Variants in PTPRK observed in about 807,000 individuals in gnomAD.
PTPRK encodes the protein receptor-type tyrosine-protein phosphatase kappa.
PTPRK carries 75 observed loss-of-function variants against 178.0 expected under a neutral mutation model. The ratio of observed to expected loss-of-function variants is 0.42; its 90% CI spans 0.35 to 0.51. PTPRK has a LOEUF of 0.51. Ranked by LOEUF, PTPRK falls within the 20% of genes least tolerant of loss-of-function variation. The probability of loss-of-function intolerance (pLI) is 0.02; values close to 1 mark genes in which losing one functional copy is unlikely to be tolerated. For missense variants in PTPRK, 1,441 were observed against 1,797.8 expected (o/e 0.80, Z 3.59); for synonymous variants, 637 against 620.6 (o/e 1.03, Z -0.39).
chr6:128,518,373 AG>A, intron 1 of PTPRK, among the ~76,000 whole-genome samples: 1 of 152,354 alleles, frequency 6.6e-6, no homozygotes, highest in East Asian at 1.9e-4. Context: ...ATTCAGCTGG[AG>A]GAAAAGTAGT....
intron 1 of PTPRK, among the ~76,000 whole-genome samples, chr6:128,510,546 C>A (rs1022779448): frequency 3.3e-5 from 5 of 152,178 alleles, no homozygotes; most frequent in Non-Finnish European, 7.3e-5. Flanking sequence ...TAGGTTTTGT[C>A]TGTGTCAATA....
intron 3 of PTPRK, among the ~76,000 whole-genome samples, chr6:128,258,722 G>C (rs1414805844): frequency 6.6e-6 from 1 of 152,156 alleles, no homozygotes; most frequent in East Asian, 1.9e-4. Context: ...GGTAGAGACG[G>C]GGTAATTAGG....
chr6:128,022,545 A>G (rs1055408624), intron 13 of PTPRK, among the ~76,000 whole-genome samples: 2 of 152,164 alleles, frequency 1.3e-5, no homozygotes, highest in South Asian at 4.1e-4. Context: ...GCCAGTTTCT[A>G]TGCACCTCAC....
At chr6:128,094,924 G>A (rs1347035129) in intron 7 of PTPRK, among the ~76,000 whole-genome samples, 2 of 152,076 alleles carry the variant, frequency 1.3e-5, no homozygotes, top group East Asian at 1.9e-4. Flanking sequence ...CTGAGAGAGA[G>A]GGAGAAAGAG....
At chr6:128,169,491 T>G (rs1257762747) in intron 7 of PTPRK, among the ~76,000 whole-genome samples, 1 of 152,052 alleles carries the variant, frequency 6.6e-6, no homozygotes, top group African/African-American at 2.4e-5. Flanking sequence ...TTAAAAGTAT[T>G]TATTTTTACC....
intron 7 of PTPRK, among the ~76,000 whole-genome samples, chr6:128,151,720 A>G (rs142372214): frequency 3.3e-5 from 5 of 152,182 alleles, no homozygotes; most frequent in African/African-American, 1.2e-4. Context: ...AATTAGATTT[A>G]ACTACTAGAA....
At chr6:128,004,389 T>C (rs1289863463) in intron 15 of PTPRK, among the ~76,000 whole-genome samples, 2 of 151,846 alleles carry the variant, frequency 1.3e-5, no homozygotes, top group East Asian at 3.9e-4. Context: ...ATATTGATTC[T>C]GGGGTAATTA....
intron 1 of PTPRK, among the ~76,000 whole-genome samples, chr6:128,449,351 C>G (rs558552058): frequency 1.3e-5 from 2 of 152,234 alleles, no homozygotes; most frequent in Middle Eastern, 6.8e-3. Flanking sequence ...GAGCTCAATA[C>G]CTATACTCAT....
Position 128,433,677 on chromosome 6 carries a change from G to C in PTPRK, c.101-35989C>G, listed in dbSNP as rs1044247924. Reference sequence around the variant, plus strand: ...ATCACAGGTGCACACCATCACACCAGGTTAATTTTTTGTATTTTTGATAGA... The same window carrying C: ...ATCACAGGTGCACACCATCACACCACGTTAATTTTTTGTATTTTTGATAGA... On this transcript the variant is annotated intron_variant, in intron 1 of 29. Transcript: ENST00000368226. Among the ~76,000 whole-genome samples, 51 of 151,792 alleles carry C rather than the reference G, an allele frequency of 3.4e-4. 1 individual carries two copies. Among genetic ancestry groups the C allele is most frequent in the Admixed American group, 3.1e-3 (47 of 15,234 alleles).
chr6:128,099,669 T>C (rs1788468969), intron 7 of PTPRK, among the ~76,000 whole-genome samples: 1 of 152,048 alleles, frequency 6.6e-6, no homozygotes, highest in Non-Finnish European at 1.5e-5. Context: ...TAACACCTCA[T>C]TTGATTTTAT....
intron 15 of PTPRK, among the ~76,000 whole-genome samples, chr6:128,002,099 T>C (rs572895590): frequency 6.6e-6 from 1 of 151,756 alleles, no homozygotes; most frequent in South Asian, 2.1e-4. Flanking sequence ...TTTCAGATTA[T>C]TTTAGAATAT....
chr6:128,450,119 C>CAA (rs546499574), intron 1 of PTPRK, among the ~76,000 whole-genome samples: 3 of 90,600 alleles, frequency 3.3e-5, no homozygotes, highest in Non-Finnish European at 7.2e-5. Context: ...CGCATCTCAA[C>CAA]AAAAAAAAAA....
chr6:128,110,918 G>A (rs895227785), intron 7 of PTPRK, among the ~76,000 whole-genome samples: 3 of 152,082 alleles, frequency 2.0e-5, no homozygotes, highest in Non-Finnish European at 2.9e-5. Context: ...ATTATTTCAG[G>A]TGGTGTGCCC....
chr6:128,258,816 G>C (rs558850379), intron 3 of PTPRK, among the ~76,000 whole-genome samples: 1 of 152,302 alleles, frequency 6.6e-6, no homozygotes, highest in East Asian at 1.9e-4. Flanking sequence ...GGAATGACAG[G>C]CACAAAGACT....
intron 7 of PTPRK, among the ~76,000 whole-genome samples, chr6:128,160,466 A>G (rs1211751894): frequency 2.6e-5 from 4 of 151,764 alleles, no homozygotes; most frequent in African/African-American, 9.7e-5. Context: ...AAGTGGATGA[A>G]CAACAAAGTG....
chr6:128,279,138 T>G (rs758872002), intron 3 of PTPRK, among the ~76,000 whole-genome samples: 20 of 151,616 alleles, frequency 1.3e-4, no homozygotes, highest in African/African-American at 4.9e-4. Context: ...CCATTAGAAG[T>G]TGACTGTAAC....
At chr6:127,997,122 C>T (rs1562403652) in intron 16 of PTPRK, 134 bp from the exon 17 acceptor site, 9 of 838,078 alleles carry the variant, frequency 1.1e-5, no homozygotes, top group Non-Finnish European at 1.7e-5. Context: ...AAACAAGTTT[C>T]ATTCTCAGAC....
intron 1 of PTPRK, among the ~76,000 whole-genome samples, chr6:128,413,350 G>A (rs575249015): frequency 6.6e-6 from 1 of 151,650 alleles, no homozygotes; most frequent in Non-Finnish European, 1.5e-5. Context: ...GGAAAACGCA[G>A]AGCTCTACTT....
intron 22 of PTPRK, among the ~76,000 whole-genome samples, chr6:127,984,858 T>A (rs983641229): frequency 1.3e-5 from 2 of 152,182 alleles, no homozygotes; most frequent in African/African-American, 4.8e-5. Context: ...GGAAGTTTTT[T>A]TTGTTTTCAG....
Sources: gnomAD v4.1 joint callset for allele counts (sites outside exome capture counted in the v4.1 genomes callset) on GRCh38, gnomAD v4.1.1 for gene constraint, MANE v1.5 for transcripts, NCBI Gene and HGNC (gene_info 2026-07-23, HGNC 2026-07-21) for gene names.